The following ST8SIA2 variants were observed in gnomAD, a reference collection of about 807,000 sequenced individuals.
ST8SIA2 encodes ST8 alpha-N-acetyl-neuraminide alpha-2,8-sialyltransferase 2, also known as alpha-2,8-sialyltransferase 8B.
In ST8SIA2, 22 loss-of-function variants were observed where a neutral mutation model predicts 37.6. The ratio of observed to expected loss-of-function variants is 0.58; its 90% CI spans 0.42 to 0.83. ST8SIA2 has a LOEUF of 0.83. ST8SIA2 is among the 40% of genes least tolerant of loss of function. ST8SIA2 has a pLI of 0.00. For missense variants in ST8SIA2, 382 were observed against 484.7 expected (o/e 0.79, Z 1.99); for synonymous variants, 205 against 201.2 (o/e 1.02, Z -0.16).
chr15:92,400,794 T>A (rs1193013953), intron 1 of ST8SIA2, among the ~76,000 whole-genome samples: 3 of 152,072 alleles, frequency 2.0e-5, no homozygotes, highest in Non-Finnish European at 4.4e-5. Flanking sequence ...TCTACCTTAA[T>A]CCCCTTCAGG....
At chr15:92,442,114 A>C (rs573432677) in intron 4 of ST8SIA2, among the ~76,000 whole-genome samples, 20 of 152,342 alleles carry the variant, frequency 1.3e-4, no homozygotes, top group African/African-American at 4.8e-4. Context: ...TAAATGAAGC[A>C]ATTCACATCT....
intron 1 of ST8SIA2, among the ~76,000 whole-genome samples, chr15:92,408,720 T>C (rs967190190): frequency 3.4e-5 from 5 of 146,808 alleles, no homozygotes; most frequent in Non-Finnish European, 7.4e-5. Context: ...TTTATTTATT[T>C]ATTGAGATGG....
At chr15:92,439,076 T>A (rs762405865) in intron 4 of ST8SIA2, among the ~76,000 whole-genome samples, 1 of 152,118 alleles carries the variant, frequency 6.6e-6, no homozygotes, top group Non-Finnish European at 1.5e-5. Context: ...AGAGATCATA[T>A]CACCTGCAAA....
intron 1 of ST8SIA2, among the ~76,000 whole-genome samples, chr15:92,408,673 TTTTTTTTATTTA>T (rs763639185): frequency 0.018 from 2,326 of 125,946 alleles, 76 homozygotes; most frequent in Admixed American, 0.092. Context: ...CTGAGTTCCA[TTTTTTTTATTTA>T]TTTATTTATT....
intron 1 of ST8SIA2, among the ~76,000 whole-genome samples, chr15:92,418,244 A>G (rs976019591): frequency 6.7e-6 from 1 of 150,090 alleles, no homozygotes; most frequent in Non-Finnish European, 1.5e-5. Context: ...ACTTGAGCCC[A>G]GGAGATCAAC....
At chr15:92,443,203 T>C (rs1481038348) in intron 4 of ST8SIA2, among the ~76,000 whole-genome samples, 1 of 152,202 alleles carries the variant, frequency 6.6e-6, no homozygotes, top group Non-Finnish European at 1.5e-5. Flanking sequence ...CCAGCCTCTA[T>C]TTTTACACTC....
At chr15:92,406,624 G>A (rs1347285556) in intron 1 of ST8SIA2, among the ~76,000 whole-genome samples, 1 of 152,184 alleles carries the variant, frequency 6.6e-6, no homozygotes, top group Non-Finnish European at 1.5e-5. Flanking sequence ...TCACACCAGG[G>A]GTAGCCTGTC....
chr15:92,442,812 G>A (rs933737857), intron 4 of ST8SIA2, among the ~76,000 whole-genome samples: 6 of 152,300 alleles, frequency 3.9e-5, no homozygotes, highest in East Asian at 1.9e-4. Context: ...ATGGGAAGAC[G>A]CGATATTTTA....
At chr15:92,435,999 G>A (rs574182770) in intron 3 of ST8SIA2, among the ~76,000 whole-genome samples, 19 of 152,204 alleles carry the variant, frequency 1.2e-4, no homozygotes, top group African/African-American at 4.3e-4. Context: ...GCCTCTGGTG[G>A]CCGCAGAACT....
intron 5 of ST8SIA2, among the ~76,000 whole-genome samples, chr15:92,450,197 C>A (rs2049872086): frequency 6.6e-6 from 1 of 152,116 alleles, no homozygotes; most frequent in Non-Finnish European, 1.5e-5. Flanking sequence ...AATACTATAC[C>A]TGATAAGGGA....
intron 3 of ST8SIA2, among the ~76,000 whole-genome samples, 193 bp from the exon 4 acceptor site, chr15:92,438,160 G>A (rs17521754): frequency 0.46 from 70,564 of 152,086 alleles, 16,907 homozygotes; most frequent in East Asian, 0.68. Context: ...GGCCACCACC[G>A]TAGTTGCTTC....
chr15:92,444,994 A>C, intron 5 of ST8SIA2, 65 bp downstream of exon 5: 4 of 1,594,286 alleles, frequency 2.5e-6, no homozygotes, highest in African/African-American at 1.3e-5. Flanking sequence ...GGTAGGCAGT[A>C]TCCCTTTCCC....
intron 1 of ST8SIA2, among the ~76,000 whole-genome samples, chr15:92,411,625 C>T (rs1347001919): frequency 1.3e-5 from 2 of 152,078 alleles, no homozygotes; most frequent in South Asian, 2.1e-4. Context: ...CTTACTGGAG[C>T]AACTAGGGGA....
Position 92,466,985 on chromosome 15 carries a change from G to A in ST8SIA2, c.*2600G>A, listed in dbSNP as rs561149105. 6.6e-6 allele frequency: 1 copy of A among 152,000 alleles called. No homozygotes were observed. Among genetic ancestry groups the A allele is most frequent in the South Asian group, 2.1e-4 (1 of 4,754 alleles). The allele number at this position is 152,000 out of a possible 1,614,324, so 9.4% of individuals were successfully genotyped here. On this transcript the variant is annotated 3_prime_UTR_variant, in exon 6 of 6. Coordinates refer to ENST00000268164, the MANE Select transcript of ST8SIA2 (RefSeq NM_006011.4). ...CCGAGATCCTCTGCTGTAACTGCAG[G>A]GTCACAGGCATCCCGGGAGAATGGG...
intron 1 of ST8SIA2, among the ~76,000 whole-genome samples, chr15:92,408,950 C>T (rs2049529542): frequency 1.3e-5 from 2 of 152,082 alleles, no homozygotes; most frequent in African/African-American, 2.4e-5. Flanking sequence ...ATGATCCGCC[C>T]GCCTTGGCCT....
chr15:92,422,993 G>C (rs2049648037), intron 1 of ST8SIA2, among the ~76,000 whole-genome samples: 1 of 152,218 alleles, frequency 6.6e-6, no homozygotes, highest in South Asian at 2.1e-4. Flanking sequence ...GATACGTGCT[G>C]TGTGTCAGAT....
intron 1 of ST8SIA2, among the ~76,000 whole-genome samples, chr15:92,412,186 A>G (rs1407935780): frequency 1.3e-5 from 2 of 152,002 alleles, no homozygotes; most frequent in Non-Finnish European, 2.9e-5. Context: ...AAGGAAGGAG[A>G]AGTGGGTGAG....
chr15:92,457,659 T>C (rs998198670), intron 5 of ST8SIA2, among the ~76,000 whole-genome samples: 1 of 152,198 alleles, frequency 6.6e-6, no homozygotes, highest in Non-Finnish European at 1.5e-5. Context: ...ACACAGTCTC[T>C]AAATTGGCCA....
intron 5 of ST8SIA2, among the ~76,000 whole-genome samples, chr15:92,451,346 C>T (rs1230524880): frequency 1.3e-5 from 2 of 152,162 alleles, no homozygotes; most frequent in Admixed American, 1.3e-4. Flanking sequence ...GCTACACGTG[C>T]ACACACTGCA....
Sources: allele counts gnomAD v4.1 joint callset (sites outside exome capture counted in the v4.1 genomes callset), GRCh38; gene constraint gnomAD v4.1.1; transcripts MANE v1.5; gene names NCBI Gene and HGNC (gene_info 2026-07-23, HGNC 2026-07-21).